Variants in MYRIP observed in about 807,000 individuals in gnomAD.
MYRIP encodes rab effector MyRIP.
In MYRIP, 49 loss-of-function variants were observed where a neutral mutation model predicts 98.0. The observed-to-expected ratio is 0.50, with a 90% CI of 0.40 to 0.63. The LOEUF (loss-of-function observed/expected upper bound fraction) is 0.63. Among genes scored for constraint, MYRIP ranks in the 30% least tolerant of loss-of-function variants. The pLI is 0.00. For missense variants in MYRIP, 1,004 were observed against 1,058.2 expected (o/e 0.95, Z 0.71); for synonymous variants, 404 against 409.5 (o/e 0.99, Z 0.16).
intron 11 of MYRIP, among the ~76,000 whole-genome samples, chr3:40,213,850 C>T (rs1280628370): frequency 6.6e-6 from 1 of 152,156 alleles, no homozygotes; most frequent in Non-Finnish European, 1.5e-5. Flanking sequence ...GAGGCACTAA[C>T]TAGTGACTGA....
intron 10 of MYRIP, among the ~76,000 whole-genome samples, chr3:40,194,129 T>C (rs1397537641): frequency 6.6e-6 from 1 of 152,086 alleles, no homozygotes; most frequent in Non-Finnish European, 1.5e-5. Flanking sequence ...GTATTTGGTG[T>C]CTTAAGGCCT....
chr3:40,029,444 TA>T (rs1247952991), intron 2 of MYRIP, among the ~76,000 whole-genome samples: 2 of 152,170 alleles, frequency 1.3e-5, no homozygotes, highest in East Asian at 3.9e-4. Context: ...GCTCATGTGT[TA>T]GAAGATATGT....
chr3:39,820,335 G>A (rs963316581), intron 1 of MYRIP, among the ~76,000 whole-genome samples: 6 of 152,096 alleles, frequency 3.9e-5, no homozygotes, highest in African/African-American at 1.4e-4. Context: ...GGATTCTGGT[G>A]AAATCTTTGG....
chr3:39,957,939 A>G (rs1945210352), intron 2 of MYRIP, among the ~76,000 whole-genome samples: 1 of 152,226 alleles, frequency 6.6e-6, no homozygotes, highest in Non-Finnish European at 1.5e-5. Flanking sequence ...ATTACTTCAA[A>G]GAGAATAAAA....
At chr3:39,947,759 A>G (rs1471711109) in intron 2 of MYRIP, among the ~76,000 whole-genome samples, 2 of 152,126 alleles carry the variant, frequency 1.3e-5, no homozygotes, top group Non-Finnish European at 2.9e-5. Flanking sequence ...GGCAACAGAG[A>G]GAGACCCTGT....
At chr3:39,848,933 C>G (rs1211608415) in intron 1 of MYRIP, among the ~76,000 whole-genome samples, 1 of 151,980 alleles carries the variant, frequency 6.6e-6, no homozygotes, top group African/African-American at 2.4e-5. Flanking sequence ...GAAAAATATG[C>G]CATAGCATGT....
At chr3:40,030,991 A>G (rs1947247574) in intron 2 of MYRIP, among the ~76,000 whole-genome samples, 1 of 152,100 alleles carries the variant, frequency 6.6e-6, no homozygotes, top group Admixed American at 6.6e-5. Context: ...TAATTTTTTC[A>G]AAGTCTGGGG....
chr3:39,874,032 T>C (rs1388261594), intron 1 of MYRIP, among the ~76,000 whole-genome samples: 279 of 150,228 alleles, frequency 1.9e-3, no homozygotes, highest in African/African-American at 6.3e-3. Flanking sequence ...TGGTTTGTAG[T>C]TCTCCTTGAA....
chr3:40,212,239 C>CAT (rs1361764458), intron 11 of MYRIP, among the ~76,000 whole-genome samples: 1 of 45,696 alleles, frequency 2.2e-5, no homozygotes, highest in South Asian at 5.1e-4. Flanking sequence ...CACACACACA[C>CAT]ACACACATAT....
chr3:39,833,438 G>A (rs1461284011), intron 1 of MYRIP, among the ~76,000 whole-genome samples: 1 of 152,126 alleles, frequency 6.6e-6, no homozygotes, highest in Non-Finnish European at 1.5e-5. Context: ...CTGTTTTGTA[G>A]AATTGAGACT....
chr3:39,978,888 G>A (rs1945817393), intron 2 of MYRIP, among the ~76,000 whole-genome samples: 1 of 151,258 alleles, frequency 6.6e-6, no homozygotes, highest in Admixed American at 6.6e-5. Context: ...TATGTTCTAA[G>A]CTGTAGCATT....
At chr3:40,047,852 A>T (rs949154173) in intron 3 of MYRIP, among the ~76,000 whole-genome samples, 2 of 152,174 alleles carry the variant, frequency 1.3e-5, no homozygotes, top group African/African-American at 4.8e-5. Flanking sequence ...AGGATGCCTT[A>T]GAAGAGTTAA....
At chr3:39,981,404 G>C (rs941658313) in intron 2 of MYRIP, among the ~76,000 whole-genome samples, 1 of 152,038 alleles carries the variant, frequency 6.6e-6, no homozygotes, top group African/African-American at 2.4e-5. Flanking sequence ...TAAAATACTA[G>C]TACTTCTTTT....
At chr3:40,159,007 AT>A (rs202158757) in intron 4 of MYRIP, among the ~76,000 whole-genome samples, 2,581 of 151,490 alleles carry the variant, frequency 0.017, 40 homozygotes, top group African/African-American at 0.037. Context: ...TAAAGTTAAT[AT>A]TGTTATATGT....
At chr3:39,966,343 A>G (rs1945441917) in intron 2 of MYRIP, among the ~76,000 whole-genome samples, 1 of 152,200 alleles carries the variant, frequency 6.6e-6, no homozygotes, top group African/African-American at 2.4e-5. Context: ...ACCAGAAAAC[A>G]GGTTACAGAT....
At chr3:39,960,249 A>C (rs1411170768) in intron 2 of MYRIP, among the ~76,000 whole-genome samples, 1 of 152,026 alleles carries the variant, frequency 6.6e-6, no homozygotes, top group Non-Finnish European at 1.5e-5. Context: ...TAGTCTGTTT[A>C]TAGTGTCAGT....
At chr3:40,200,349 G>A (rs931390563) in intron 10 of MYRIP, among the ~76,000 whole-genome samples, 1 of 152,010 alleles carries the variant, frequency 6.6e-6, no homozygotes, top group Admixed American at 6.5e-5. Context: ...GTCCTCTTGG[G>A]CCACATGGGG....
At chr3:39,826,458 G>T (rs946078076) in intron 1 of MYRIP, among the ~76,000 whole-genome samples, 9 of 151,914 alleles carry the variant, frequency 5.9e-5, no homozygotes, top group Non-Finnish European at 1.5e-5. Flanking sequence ...CTGTATATTT[G>T]TATAGTTTTG....
intron 2 of MYRIP, among the ~76,000 whole-genome samples, chr3:39,944,355 C>T (rs989928807): frequency 1.3e-5 from 2 of 151,728 alleles, no homozygotes; most frequent in Non-Finnish European, 2.9e-5. Context: ...AATGGAATGC[C>T]ATGTTGTTAT....
Sources: gnomAD v4.1 joint callset for allele counts (sites outside exome capture counted in the v4.1 genomes callset) on GRCh38, gnomAD v4.1.1 for gene constraint, MANE v1.5 for transcripts, NCBI Gene and HGNC (gene_info 2026-07-23, HGNC 2026-07-21) for gene names.